The following LRMDA variants were observed in gnomAD, a reference collection of about 807,000 sequenced individuals.
The protein encoded by LRMDA is leucine rich melanocyte differentiation associated, also known as leucine-rich melanocyte differentiation-associated protein.
Under a neutral mutation model 29.8 loss-of-function variants are expected in LRMDA, and 18 were observed. The ratio of observed to expected loss-of-function variants is 0.60; its 90% CI spans 0.42 to 0.90. LRMDA has a LOEUF of 0.90. Among genes scored for constraint, LRMDA ranks in the 40% least tolerant of loss-of-function variants. The pLI is 0.00. For missense variants in LRMDA, 273 were observed against 273.9 expected (o/e 1.00, Z 0.02); for synonymous variants, 125 against 109.4 (o/e 1.14, Z -0.89).
chr10:76,100,448 G>A (rs984686648), intron 5 of LRMDA, among the ~76,000 whole-genome samples: 2 of 152,188 alleles, frequency 1.3e-5, no homozygotes, highest in Non-Finnish European at 2.9e-5. Context: ...CATGACACAA[G>A]CTTCCCGTGG....
At chr10:76,527,954 G>A (rs950922280) in intron 6 of LRMDA, among the ~76,000 whole-genome samples, 4 of 152,110 alleles carry the variant, frequency 2.6e-5, no homozygotes, top group African/African-American at 9.7e-5. Flanking sequence ...ATGTGGTAAT[G>A]AACACCATGA....
chr10:75,732,630 A>G (rs779106276), intron 2 of LRMDA, among the ~76,000 whole-genome samples: 36 of 152,060 alleles, frequency 2.4e-4, no homozygotes, highest in Admixed American at 3.3e-4. Flanking sequence ...TGTGCTGAGT[A>G]TCCTCATTGC....
intron 6 of LRMDA, among the ~76,000 whole-genome samples, chr10:76,363,254 A>AG (rs1841348159): frequency 2.2e-5 from 1 of 46,402 alleles, no homozygotes; most frequent in Admixed American, 2.1e-4. Flanking sequence ...AAAGAAAGAA[A>AG]GAAGGAAGGA....
chr10:75,445,297 G>T (rs900264548), intron 2 of LRMDA, among the ~76,000 whole-genome samples: 4 of 147,792 alleles, frequency 2.7e-5, no homozygotes, highest in African/African-American at 9.9e-5. Context: ...CATTTAGTTT[G>T]TTTTTTTTTT....
At chr10:76,362,619 G>A (rs1211257235) in intron 6 of LRMDA, among the ~76,000 whole-genome samples, 1 of 152,078 alleles carries the variant, frequency 6.6e-6, no homozygotes, top group African/African-American at 2.4e-5. Context: ...CCCCCTGGTG[G>A]GGTTGGGCTT....
intron 6 of LRMDA, among the ~76,000 whole-genome samples, chr10:76,363,256 AAGG>A (rs1841348423): frequency 1.9e-5 from 1 of 53,684 alleles, no homozygotes; most frequent in African/African-American, 7.1e-5. Context: ...AGAAAGAAAG[AAGG>A]AAGGAAGGAA....
intron 5 of LRMDA, among the ~76,000 whole-genome samples, chr10:76,140,140 T>G (rs979714177): frequency 2.6e-5 from 4 of 152,174 alleles, no homozygotes; most frequent in Non-Finnish European, 5.9e-5. Flanking sequence ...GCGTAAGGAT[T>G]ATTTTGAGCT....
At chr10:76,544,995 G>A (rs1050663753) in intron 6 of LRMDA, among the ~76,000 whole-genome samples, 2 of 152,022 alleles carry the variant, frequency 1.3e-5, no homozygotes, top group East Asian at 3.9e-4. Context: ...GAAAGATTAT[G>A]GTGATATCAG....
intron 2 of LRMDA, among the ~76,000 whole-genome samples, chr10:75,685,733 TTGTTCAGAAGAAG>T (rs1842073862): frequency 6.6e-6 from 1 of 152,350 alleles, no homozygotes; most frequent in Admixed American, 6.5e-5. Flanking sequence ...AGTGGATCTA[TTGTTCAGAAGAAG>T]TCAAGATAGC....
At chr10:75,497,296 C>T (rs999781378) in intron 2 of LRMDA, among the ~76,000 whole-genome samples, 2 of 152,002 alleles carry the variant, frequency 1.3e-5, no homozygotes, top group South Asian at 2.1e-4. Context: ...CATGGATATG[C>T]CCACTATTGA....
intron 2 of LRMDA, among the ~76,000 whole-genome samples, chr10:76,003,545 A>C (rs1006021589): frequency 6.6e-6 from 1 of 152,202 alleles, no homozygotes; most frequent in Non-Finnish European, 1.5e-5. Flanking sequence ...AGGGCAAAAA[A>C]TGCTATGGAA....
Position 75,802,642 on chromosome 10 carries a change from G to C in LRMDA, c.132-233366G>C, listed in dbSNP as rs1025364793. Among the ~76,000 whole-genome samples the C allele has an allele frequency of 4.0e-5, 6 of 151,754 alleles. No homozygotes were observed. In the East Asian group the frequency reaches 1.2e-3, roughly 30 times the overall value. ...TTTTTTTTCTTAGCAATAGCTTCAA[G>C]AACGAAGAAGATTAAACAAACACTA... On this transcript the variant is annotated intron_variant, in intron 2 of 6. Coordinates refer to ENST00000611255, the MANE Select transcript of LRMDA (RefSeq NM_001305581.2).
chr10:75,561,992 A>G (rs1434754045), intron 2 of LRMDA, among the ~76,000 whole-genome samples: 1 of 152,090 alleles, frequency 6.6e-6, no homozygotes, highest in African/African-American at 2.4e-5. Flanking sequence ...TGGTGCTGAA[A>G]AAAATGTATA....
chr10:75,712,513 A>G (rs934100911), intron 2 of LRMDA, among the ~76,000 whole-genome samples: 1 of 152,124 alleles, frequency 6.6e-6, no homozygotes, highest in Non-Finnish European at 1.5e-5. Flanking sequence ...AGCCGGGATG[A>G]AGTCAGCACT....
chr10:75,987,219 T>A (rs1425708360), intron 2 of LRMDA, among the ~76,000 whole-genome samples: 1 of 152,220 alleles, frequency 6.6e-6, no homozygotes, highest in African/African-American at 2.4e-5. Flanking sequence ...TTATGACAGA[T>A]GATCCTGGTC....
At chr10:76,386,739 G>A (rs1841664390) in intron 6 of LRMDA, among the ~76,000 whole-genome samples, 1 of 151,934 alleles carries the variant, frequency 6.6e-6, no homozygotes, top group Admixed American at 6.6e-5. Flanking sequence ...ATAAAAATGT[G>A]TATTTTTATA....
chr10:76,114,879 G>T (rs1384879949), intron 5 of LRMDA, among the ~76,000 whole-genome samples: 1 of 152,192 alleles, frequency 6.6e-6, no homozygotes, highest in Non-Finnish European at 1.5e-5. Context: ...GGGCTTGCTT[G>T]TCCCCCCTGA....
Position 76,087,328 on chromosome 10 carries a change from G to A in LRMDA, c.516+28545G>A, listed in dbSNP as rs1849153657. Reference sequence around the variant, plus strand: ...AGGTTTTGCCACTTACTTGTTCTGCGACTTTCAGATTCTCTACAAACAGAG... The same window carrying A: ...AGGTTTTGCCACTTACTTGTTCTGCAACTTTCAGATTCTCTACAAACAGAG... On this transcript the variant is annotated intron_variant, in intron 5 of 6. Coordinates refer to ENST00000611255, the MANE Select transcript of LRMDA (RefSeq NM_001305581.2). Among the ~76,000 whole-genome samples, 3 of 152,268 alleles carry A rather than the reference G, an allele frequency of 2.0e-5. No individual in the cohort carries two copies. In the South Asian group the frequency reaches 6.2e-4, roughly 32 times the overall value.
intron 5 of LRMDA, among the ~76,000 whole-genome samples, chr10:76,107,318 T>C (rs959532856): frequency 2.0e-5 from 3 of 152,184 alleles, no homozygotes; most frequent in African/African-American, 4.8e-5. Context: ...GCCTGAGAAT[T>C]TGCATTTCTC....
Sources: gnomAD v4.1 joint callset for allele counts (sites outside exome capture counted in the v4.1 genomes callset) on GRCh38, gnomAD v4.1.1 for gene constraint, MANE v1.5 for transcripts, NCBI Gene and HGNC (gene_info 2026-07-23, HGNC 2026-07-21) for gene names.